Variants in HYCC1 observed in about 807,000 individuals in gnomAD.
The protein encoded by HYCC1 is hyccin PI4KA lipid kinase complex subunit 1.
the HYCC1 span, among the ~76,000 whole-genome samples, chr7:22,994,561 A>G: frequency 1.3e-5 from 2 of 152,274 alleles, no homozygotes; most frequent in Middle Eastern, 3.4e-3. Context: ...TAGTAACACC[A>G]GTCAGCCCTG....
chr7:22,948,213 G>A, the HYCC1 span, among the ~76,000 whole-genome samples: 2 of 152,038 alleles, frequency 1.3e-5, no homozygotes, highest in Admixed American at 6.6e-5. Context: ...ATAAGACTAT[G>A]TAAAACAGCA....
the HYCC1 span, chr7:22,945,587 A>C: frequency 6.3e-7 from 1 of 1,585,614 alleles, no homozygotes; most frequent in Non-Finnish European, 8.7e-7. Context: ...ATATGTTACT[A>C]ATTAATCTGT....
At chr7:22,985,996 T>C in the HYCC1 span, among the ~76,000 whole-genome samples, 1 of 149,368 alleles carries the variant, frequency 6.7e-6, no homozygotes, top group African/African-American at 2.5e-5. Flanking sequence ...TATAAATGTT[T>C]AAAAAAATTA....
At chr7:22,996,849 T>C in the HYCC1 span, among the ~76,000 whole-genome samples, 441 of 152,226 alleles carry the variant, frequency 2.9e-3, 2 homozygotes, top group African/African-American at 0.01. Flanking sequence ...ACTATATAAC[T>C]CTGCAAGCTT....
chr7:22,933,264 G>T, the HYCC1 span, among the ~76,000 whole-genome samples: 1 of 152,136 alleles, frequency 6.6e-6, no homozygotes, highest in Non-Finnish European at 1.5e-5. Context: ...ATTACTGAAA[G>T]TAAAATATTG....
the HYCC1 span, among the ~76,000 whole-genome samples, chr7:23,013,024 G>GT: frequency 6.6e-6 from 1 of 152,178 alleles, no homozygotes; most frequent in Non-Finnish European, 1.5e-5. Context: ...TTGTGATAGT[G>GT]TATTTCTCAG....
chr7:22,904,446 GTAA>G, the HYCC1 span, among the ~76,000 whole-genome samples: 1 of 143,862 alleles, frequency 7.0e-6, no homozygotes, highest in South Asian at 2.2e-4. Context: ...AAAAAAAAAA[GTAA>G]TAATAATAAT....
At chr7:22,924,195 A>AGG in the HYCC1 span, among the ~76,000 whole-genome samples, 3 of 136,610 alleles carry the variant, frequency 2.2e-5, no homozygotes, top group African/African-American at 5.4e-5. Flanking sequence ...AAAAAAAAAA[A>AGG]GGGGGGTGGA....
At chr7:22,899,713 T>A in the HYCC1 span, among the ~76,000 whole-genome samples, 1 of 152,212 alleles carries the variant, frequency 6.6e-6, no homozygotes. Flanking sequence ...TACCAAAATG[T>A]GTTAAGTCAA....
the HYCC1 span, chr7:22,934,160 A>G: frequency 2.0e-5 from 3 of 151,282 alleles, no homozygotes; most frequent in Middle Eastern, 3.2e-3. Flanking sequence ...CATAAAAACT[A>G]AAAATCTTTT....
At chr7:23,001,259 C>T in the HYCC1 span, among the ~76,000 whole-genome samples, 1 of 152,124 alleles carries the variant, frequency 6.6e-6, no homozygotes, top group Non-Finnish European at 1.5e-5. Context: ...ATTAACATAA[C>T]CTCTATTTCA....
the HYCC1 span, among the ~76,000 whole-genome samples, chr7:22,904,139 T>A: frequency 1.3e-5 from 2 of 152,002 alleles, no homozygotes; most frequent in Non-Finnish European, 2.9e-5. Flanking sequence ...CTTAAAAAAA[T>A]ATGTTTTTAG....
At chr7:23,002,159 T>A in the HYCC1 span, among the ~76,000 whole-genome samples, 16 of 70,588 alleles carry the variant, frequency 2.3e-4, no homozygotes, top group East Asian at 1.6e-3. Context: ...TATATATATA[T>A]ATATATATAT....
chr7:22,990,875 G>T, the HYCC1 span, among the ~76,000 whole-genome samples: 1 of 151,964 alleles, frequency 6.6e-6, no homozygotes, highest in Non-Finnish European at 1.5e-5. Flanking sequence ...CCACTTGGGG[G>T]AAAAAAGGAA....
chr7:22,942,542 C>CCGTT, the HYCC1 span: 1 of 152,214 alleles, frequency 6.6e-6, no homozygotes, highest in South Asian at 2.1e-4. Context: ...ATACTCCAGG[C>CCGTT]CGTTGGGTTT....
the HYCC1 span, among the ~76,000 whole-genome samples, chr7:22,933,385 G>A: frequency 5.3e-5 from 8 of 151,990 alleles, no homozygotes; most frequent in Non-Finnish European, 1.0e-4. Flanking sequence ...ATATTTTTGT[G>A]ATAGTTGACC....
the HYCC1 span, among the ~76,000 whole-genome samples, chr7:22,994,738 T>C: frequency 3.3e-5 from 5 of 152,194 alleles, no homozygotes; most frequent in East Asian, 7.7e-4. Flanking sequence ...ATGACATGCC[T>C]CCCTATCCTG....
chr7:22,901,917 A>G, the HYCC1 span, among the ~76,000 whole-genome samples: 1 of 152,186 alleles, frequency 6.6e-6, no homozygotes, highest in African/African-American at 2.4e-5. Flanking sequence ...AATACTATAA[A>G]ATATCTTGAT....
At chr7:22,952,006 C>T in the HYCC1 span, among the ~76,000 whole-genome samples, 4 of 151,958 alleles carry the variant, frequency 2.6e-5, no homozygotes, top group South Asian at 2.1e-4. Context: ...GAAAGAACAA[C>T]TTGCTCACCC....
Sources: gnomAD v4.1 joint callset for allele counts (sites outside exome capture counted in the v4.1 genomes callset) on GRCh38, gnomAD v4.1.1 for gene constraint, MANE v1.5 for transcripts, NCBI Gene and HGNC (gene_info 2026-07-23, HGNC 2026-07-21) for gene names.